BLTP2: variants seen among roughly 807,000 people sequenced by gnomAD.
BLTP2 encodes the protein bridge-like lipid transfer protein family member 2, also known as U937-associated antigen.
At chr17:28,632,497 C>A in the BLTP2 span, among the ~76,000 whole-genome samples, 1 of 152,070 alleles carries the variant, frequency 6.6e-6, no homozygotes, top group Non-Finnish European at 1.5e-5. Flanking sequence ...AAGAGGTGGG[C>A]CTCTGGGAGG....
chr17:28,615,348 G>T, the BLTP2 span: 1 of 968,998 alleles, frequency 1.0e-6, no homozygotes, highest in Non-Finnish European at 1.5e-6. Context: ...ACACATCCAA[G>T]GCACAATGGG....
chr17:28,623,422 G>A, the BLTP2 span, among the ~76,000 whole-genome samples: 1 of 152,216 alleles, frequency 6.6e-6, no homozygotes, highest in East Asian at 1.9e-4. Flanking sequence ...GGCAGATAGT[G>A]AACTTACTGA....
At chr17:28,643,927 G>A in the BLTP2 span, 11 of 1,219,330 alleles carry the variant, frequency 9.0e-6, no homozygotes, top group Admixed American at 2.0e-4. Flanking sequence ...AGATCATCTT[G>A]GCAAAGAAAT....
chr17:28,640,900 G>A, the BLTP2 span, among the ~76,000 whole-genome samples: 1 of 152,188 alleles, frequency 6.6e-6, no homozygotes, highest in Admixed American at 6.5e-5. Flanking sequence ...GGAGCAGGTT[G>A]GTAAATGAAA....
At chr17:28,639,856 T>C in the BLTP2 span, 3 of 1,608,826 alleles carry the variant, frequency 1.9e-6, no homozygotes, top group Non-Finnish European at 2.6e-6. Context: ...AGAGAGTATC[T>C]AGTCCTCCCA....
the BLTP2 span, among the ~76,000 whole-genome samples, chr17:28,640,226 C>G: frequency 6.6e-6 from 1 of 152,062 alleles, no homozygotes; most frequent in South Asian, 2.1e-4. Context: ...AACCCTGCCT[C>G]TACTAAAATA....
At chr17:28,615,814 G>A in the BLTP2 span, 6 of 1,611,274 alleles carry the variant, frequency 3.7e-6, no homozygotes, top group Admixed American at 1.7e-5. Context: ...AGAGGAGGGG[G>A]AGGGGAAAGA....
At chr17:28,626,155 T>C in the BLTP2 span, among the ~76,000 whole-genome samples, 1 of 152,152 alleles carries the variant, frequency 6.6e-6, no homozygotes, top group South Asian at 2.1e-4. Flanking sequence ...TCCTACACAC[T>C]ACTCCCAGAT....
the BLTP2 span, chr17:28,641,955 C>A: frequency 1.2e-6 from 2 of 1,614,188 alleles, no homozygotes; most frequent in Non-Finnish European, 1.7e-6. Flanking sequence ...TGGAAGAGGC[C>A]CTCATGCAGT....
At chr17:28,635,340 G>T in the BLTP2 span, 14 of 1,614,216 alleles carry the variant, frequency 8.7e-6, no homozygotes, top group Non-Finnish European at 1.2e-5. Flanking sequence ...CCAGGGTAAT[G>T]AACTTGTCCT....
the BLTP2 span, chr17:28,624,442 T>TC: frequency 6.5e-7 from 1 of 1,532,328 alleles, no homozygotes; most frequent in Non-Finnish European, 8.9e-7. Context: ...AGGGAAAGAC[T>TC]TTTCCCTTTC....
chr17:28,632,204 T>A, the BLTP2 span: 1 of 1,612,636 alleles, frequency 6.2e-7, no homozygotes, highest in Admixed American at 1.7e-5. Context: ...CAGCGCAGGG[T>A]ACTACTATAT....
the BLTP2 span, chr17:28,634,112 T>G: frequency 6.2e-7 from 1 of 1,605,248 alleles, no homozygotes; most frequent in Non-Finnish European, 8.5e-7. Context: ...GGGTACACAC[T>G]GGCTACTCAG....
the BLTP2 span, chr17:28,634,592 G>A: frequency 1.9e-6 from 3 of 1,614,148 alleles, no homozygotes; most frequent in Non-Finnish European, 2.5e-6. Context: ...GGGGGAAAAG[G>A]GCTGCCTGGA....
the BLTP2 span, chr17:28,621,380 G>A: frequency 3.1e-6 from 5 of 1,593,878 alleles, no homozygotes; most frequent in South Asian, 5.5e-5. Flanking sequence ...ATTTGATGCA[G>A]AGGAGGGGGA....
the BLTP2 span, chr17:28,632,016 G>T: frequency 1.9e-6 from 3 of 1,608,966 alleles, no homozygotes; most frequent in East Asian, 6.7e-5. Context: ...GCAGAATAAA[G>T]TGAAGATGTC....
the BLTP2 span, chr17:28,639,648 A>G: frequency 6.2e-7 from 1 of 1,613,770 alleles, no homozygotes; most frequent in South Asian, 1.1e-5. Flanking sequence ...CCCATCTGTA[A>G]GAGGCCAGAG....
At chr17:28,633,915 T>G in the BLTP2 span, 1 of 1,614,066 alleles carries the variant, frequency 6.2e-7, no homozygotes. Context: ...ATGGTAGAAT[T>G]TGAGTGGGGG....
chr17:28,635,253 A>G, the BLTP2 span: 4 of 1,614,180 alleles, frequency 2.5e-6, no homozygotes, highest in South Asian at 1.1e-5. Context: ...TACTATTGCC[A>G]TCAAAGCCAG....
Sources: allele counts gnomAD v4.1 joint callset (sites outside exome capture counted in the v4.1 genomes callset), GRCh38; gene constraint gnomAD v4.1.1; transcripts MANE v1.5; gene names NCBI Gene and HGNC (gene_info 2026-07-23, HGNC 2026-07-21).